TMEM132D: variants seen among roughly 807,000 people sequenced by gnomAD.
TMEM132D encodes the protein mature OL transmembrane protein.
Under a neutral mutation model 62.3 loss-of-function variants are expected in TMEM132D, and 21 were observed. The ratio of observed to expected loss-of-function variants is 0.34; its 90% CI spans 0.24 to 0.49. TMEM132D has a LOEUF of 0.49. Ranked by LOEUF, TMEM132D falls within the 20% of genes least tolerant of loss-of-function variation. TMEM132D has a pLI of 0.99. For synonymous variants in TMEM132D, 621 were observed against 575.6 expected, an observed-to-expected ratio of 1.08 and a Z score of -1.13; for missense variants, 1,346 against 1,402.8, an observed-to-expected ratio of 0.96 and a Z score of 0.65.
intron 2 of TMEM132D, among the ~76,000 whole-genome samples, chr12:129,558,631 A>G (rs1244750235): frequency 6.6e-6 from 1 of 152,144 alleles, no homozygotes; most frequent in East Asian, 1.9e-4. Context: ...ACCACACGGG[A>G]AAAGGGAATC....
intron 4 of TMEM132D, among the ~76,000 whole-genome samples, chr12:129,268,382 A>G (rs143670749): frequency 0.34 from 51,455 of 152,104 alleles, 9,077 homozygotes; most frequent in Non-Finnish European, 0.4. Context: ...AAGGACATGA[A>G]CAGACACTTC....
At chr12:129,358,363 A>C (rs556245530) in intron 3 of TMEM132D, among the ~76,000 whole-genome samples, 4 of 152,154 alleles carry the variant, frequency 2.6e-5, no homozygotes, top group Non-Finnish European at 5.9e-5. Flanking sequence ...AGATGAGCTA[A>C]AGAAGATGAA....
chr12:129,417,868 C>A (rs1019176400), intron 3 of TMEM132D, among the ~76,000 whole-genome samples: 3 of 152,116 alleles, frequency 2.0e-5, no homozygotes, highest in Admixed American at 1.3e-4. Flanking sequence ...AAAAAACAAA[C>A]CCCATCAAAC....
intron 3 of TMEM132D, among the ~76,000 whole-genome samples, chr12:129,460,123 T>C (rs1873611876): frequency 6.6e-6 from 1 of 152,120 alleles, no homozygotes; most frequent in Non-Finnish European, 1.5e-5. Flanking sequence ...ACAACTACAA[T>C]CAAGACTGAC....
intron 3 of TMEM132D, among the ~76,000 whole-genome samples, 190 bp downstream of exon 3, chr12:129,530,869 C>T (rs1369166991): frequency 1.3e-5 from 2 of 151,896 alleles, no homozygotes; most frequent in Admixed American, 6.6e-5. Context: ...AGTAGGTCTG[C>T]TGTGAATAAC....
intron 2 of TMEM132D, among the ~76,000 whole-genome samples, chr12:129,593,454 G>A (rs149356686): frequency 1.3e-5 from 2 of 152,310 alleles, no homozygotes; most frequent in East Asian, 1.9e-4. Context: ...GTTTTAATAT[G>A]TCCATGAAAT....
chr12:129,575,283 G>A (rs1382029918), intron 2 of TMEM132D, among the ~76,000 whole-genome samples: 2 of 151,832 alleles, frequency 1.3e-5, no homozygotes, highest in Non-Finnish European at 2.9e-5. Context: ...TAGGCTATTA[G>A]TAATTAAGTT....
At chr12:129,252,517 G>T (rs139807738) in intron 4 of TMEM132D, among the ~76,000 whole-genome samples, 9 of 152,260 alleles carry the variant, frequency 5.9e-5, no homozygotes, top group Non-Finnish European at 1.3e-4. Flanking sequence ...CTACATTCTG[G>T]CAATCATTAA....
At chr12:129,631,648 C>T (rs886876842) in intron 2 of TMEM132D, among the ~76,000 whole-genome samples, 4 of 152,132 alleles carry the variant, frequency 2.6e-5, no homozygotes, top group African/African-American at 4.8e-5. Flanking sequence ...CCCGGTGATG[C>T]GTCTGATAAA....
At chr12:129,609,033 T>C (rs1878699874) in intron 2 of TMEM132D, among the ~76,000 whole-genome samples, 1 of 151,538 alleles carries the variant, frequency 6.6e-6, no homozygotes, top group Non-Finnish European at 1.5e-5. Flanking sequence ...CTCTACCTCC[T>C]GGGTTCCAGC....
chr12:129,410,688 C>T (rs1471060155), intron 3 of TMEM132D, among the ~76,000 whole-genome samples: 4 of 152,184 alleles, frequency 2.6e-5, no homozygotes, highest in East Asian at 3.9e-4. Flanking sequence ...ATGTACTTGT[C>T]TGACTCCAGA....
chr12:129,598,093 A>G (rs1878387490), intron 2 of TMEM132D, among the ~76,000 whole-genome samples: 1 of 152,228 alleles, frequency 6.6e-6, no homozygotes, highest in Non-Finnish European at 1.5e-5. Flanking sequence ...TTCAACTACA[A>G]ATATAAATTG....
intron 2 of TMEM132D, among the ~76,000 whole-genome samples, chr12:129,583,897 A>G (rs897386949): frequency 2.0e-5 from 3 of 152,174 alleles, no homozygotes; most frequent in Non-Finnish European, 2.9e-5. Flanking sequence ...TAGTTTGTCA[A>G]CCTCTTTGAT....
chr12:129,415,584 T>A (rs1872093522), intron 3 of TMEM132D, among the ~76,000 whole-genome samples: 1 of 152,242 alleles, frequency 6.6e-6, no homozygotes, highest in Non-Finnish European at 1.5e-5. Context: ...AGATGCCTGC[T>A]GTGATCAGGC....
chr12:129,357,697 T>C (rs949754345), intron 3 of TMEM132D, among the ~76,000 whole-genome samples: 2 of 151,714 alleles, frequency 1.3e-5, no homozygotes, highest in African/African-American at 2.4e-5. Flanking sequence ...GAGAGAGAAG[T>C]GAGTGATGTG....
At chr12:129,761,584 T>A (rs528447054) in intron 1 of TMEM132D, among the ~76,000 whole-genome samples, 16 of 152,234 alleles carry the variant, frequency 1.1e-4, no homozygotes, top group African/African-American at 3.6e-4. Context: ...CCCACTCACT[T>A]CCCTGTTCCC....
At chr12:129,109,289 A>G (rs1384256107) in intron 5 of TMEM132D, among the ~76,000 whole-genome samples, 1 of 151,772 alleles carries the variant, frequency 6.6e-6, no homozygotes, top group African/African-American at 2.4e-5. Context: ...CAGCTCCTTC[A>G]CTCTCTGGCT....
chr12:129,297,148 C>A (rs908202803), intron 4 of TMEM132D, among the ~76,000 whole-genome samples: 3 of 152,186 alleles, frequency 2.0e-5, no homozygotes, highest in African/African-American at 7.2e-5. Flanking sequence ...AGAGGAAAGT[C>A]CTCAGAGTCA....
At chr12:129,576,181 T>G (rs896505810) in intron 2 of TMEM132D, among the ~76,000 whole-genome samples, 1 of 151,914 alleles carries the variant, frequency 6.6e-6, no homozygotes, top group Non-Finnish European at 1.5e-5. Context: ...GCATACCCTC[T>G]ACCTACACTG....
Sources: gnomAD v4.1 joint callset for allele counts (sites outside exome capture counted in the v4.1 genomes callset) on GRCh38, gnomAD v4.1.1 for gene constraint, MANE v1.5 for transcripts, NCBI Gene and HGNC (gene_info 2026-07-23, HGNC 2026-07-21) for gene names.